TMEM132D: variants seen among roughly 807,000 people sequenced by gnomAD.
The protein encoded by TMEM132D is mature OL transmembrane protein.
A neutral mutation model predicts 62.3 loss-of-function variants in TMEM132D; 21 were observed. The ratio of observed to expected loss-of-function variants is 0.34; its 90% confidence interval spans 0.24 to 0.49. The LOEUF (loss-of-function observed/expected upper bound fraction) is 0.49, where lower values mean the gene tolerates loss of function less well. TMEM132D is among the 20% of genes least tolerant of loss of function. TMEM132D has a pLI of 0.99. For synonymous variants in TMEM132D, 621 were observed against 575.6 expected, an observed-to-expected ratio of 1.08 and a Z score of -1.13; for missense variants, 1,346 against 1,402.8, an observed-to-expected ratio of 0.96 and a Z score of 0.65.
intron 1 of TMEM132D, among the ~76,000 whole-genome samples, chr12:129,835,593 T>C (rs1872981760): frequency 6.6e-6 from 1 of 152,166 alleles, no homozygotes; most frequent in Admixed American, 6.6e-5. Flanking sequence ...ACCGAGCCTG[T>C]GCATGAGGTT....
chr12:129,635,816 T>G (rs1879462399), intron 2 of TMEM132D, among the ~76,000 whole-genome samples: 1 of 152,200 alleles, frequency 6.6e-6, no homozygotes, highest in Non-Finnish European at 1.5e-5. Flanking sequence ...CCTAAGAATG[T>G]GTGCCTAAGG....
chr12:129,728,114 T>C (rs1182643472), intron 1 of TMEM132D, among the ~76,000 whole-genome samples: 1 of 152,224 alleles, frequency 6.6e-6, no homozygotes, highest in African/African-American at 2.4e-5. Context: ...CCATTGACGG[T>C]ACTGGGTTGG....
chr12:129,896,961 T>C (rs1201790265), intron 1 of TMEM132D, among the ~76,000 whole-genome samples: 3 of 152,210 alleles, frequency 2.0e-5, no homozygotes, highest in Non-Finnish European at 4.4e-5. Context: ...TTGTTTACTT[T>C]CAAGGTCAAG....
intron 3 of TMEM132D, among the ~76,000 whole-genome samples, chr12:129,398,300 C>A (rs4505131): frequency 6.6e-6 from 1 of 152,014 alleles, no homozygotes; most frequent in Admixed American, 6.5e-5. Flanking sequence ...GCCTGTTTTC[C>A]TCCCTGTGAA....
At chr12:129,543,308 G>GGATA (rs577178143) in intron 2 of TMEM132D, among the ~76,000 whole-genome samples, 75 of 136,050 alleles carry the variant, frequency 5.5e-4, no homozygotes, top group African/African-American at 2.3e-3. Flanking sequence ...GTGGGTGGAT[G>GGATA]GATAGATGGA....
At chr12:129,088,003 CCTCCATGACCGGGT>C (rs1436320597) in intron 5 of TMEM132D, among the ~76,000 whole-genome samples, 11 of 99,492 alleles carry the variant, frequency 1.1e-4, no homozygotes, top group Middle Eastern at 7.0e-3. Flanking sequence ...ACCGGGGTGT[CCTCCATGACCGGGT>C]GTCCTCCATG....
rs147842626 is a variant in TMEM132D, at chr12:129,250,006, G to A, written c.1300-40343C>T. Among the ~76,000 whole-genome samples, 306 of 152,216 alleles carry A rather than the reference G, an allele frequency of 2.0e-3. 1 individual carries two copies. Among genetic ancestry groups the A allele is most frequent in the African/African-American group, 3.9e-3 (164 of 41,534 alleles). The stretch of plus-strand genomic sequence containing the variant: ...AGAGAGCCTTGTAGAGGAGGTGGGC[G>A]TACCCCGCTGAGACCTCCAATCAGA... On this transcript the variant is annotated intron_variant, in intron 4 of 8. Transcript: ENST00000422113.
intron 5 of TMEM132D, among the ~76,000 whole-genome samples, chr12:129,169,024 C>T (rs953697634): frequency 6.6e-6 from 1 of 152,186 alleles, no homozygotes; most frequent in Non-Finnish European, 1.5e-5. Flanking sequence ...TTCAAATATA[C>T]CTTTGCTGAA....
At chr12:129,310,020 A>C (rs1566029031) in intron 4 of TMEM132D, among the ~76,000 whole-genome samples, 1 of 152,268 alleles carries the variant, frequency 6.6e-6, no homozygotes, top group East Asian at 1.9e-4. Context: ...CCCAAAAAAA[A>C]AGTGCTACAG....
At chr12:129,433,992 G>A (rs1872727273) in intron 3 of TMEM132D, among the ~76,000 whole-genome samples, 1 of 152,212 alleles carries the variant, frequency 6.6e-6, no homozygotes, top group Non-Finnish European at 1.5e-5. Flanking sequence ...TTGAGATTCA[G>A]AGCTTGCAAC....
chr12:129,287,706 G>A (rs1881339482), intron 4 of TMEM132D, among the ~76,000 whole-genome samples: 1 of 148,884 alleles, frequency 6.7e-6, no homozygotes, highest in South Asian at 2.2e-4. Flanking sequence ...GATGCTCCGA[G>A]AACTGCCCAG....
chr12:129,099,877 G>A (rs1458729591), intron 5 of TMEM132D, among the ~76,000 whole-genome samples: 3 of 137,604 alleles, frequency 2.2e-5, no homozygotes, highest in Non-Finnish European at 4.4e-5. Flanking sequence ...CCAGGCTGGA[G>A]TGCAGTGGCA....
intron 5 of TMEM132D, among the ~76,000 whole-genome samples, chr12:129,148,244 G>A (rs971783619): frequency 3.3e-5 from 5 of 152,116 alleles, no homozygotes; most frequent in African/African-American, 1.2e-4. Flanking sequence ...AAAATCTATA[G>A]CCCCATGTGG....
chr12:129,130,743 AC>A (rs1217570059), intron 5 of TMEM132D, among the ~76,000 whole-genome samples: 4 of 152,062 alleles, frequency 2.6e-5, no homozygotes, highest in Admixed American at 6.6e-5. Context: ...AAATGCCATG[AC>A]CTAGAGAAGA....
At chr12:129,549,039 C>A (rs1221751640) in intron 2 of TMEM132D, among the ~76,000 whole-genome samples, 2 of 152,216 alleles carry the variant, frequency 1.3e-5, no homozygotes, top group Non-Finnish European at 2.9e-5. Context: ...CAGTGAAATT[C>A]ACTTCCTGAT....
chr12:129,248,354 A>G (rs1481251624), intron 4 of TMEM132D, among the ~76,000 whole-genome samples: 2 of 152,210 alleles, frequency 1.3e-5, no homozygotes, highest in Non-Finnish European at 2.9e-5. Flanking sequence ...TAGGGATGTC[A>G]TTCTTCCTTG....
intron 1 of TMEM132D, among the ~76,000 whole-genome samples, chr12:129,741,575 G>T (rs1869610363): frequency 6.6e-6 from 1 of 152,196 alleles, no homozygotes; most frequent in Non-Finnish European, 1.5e-5. Context: ...CAACTGTGAA[G>T]AATGTTCTCT....
rs141884601 is a variant in TMEM132D, at chr12:129,366,315, T to C, written c.1116-28498A>G. Among the ~76,000 whole-genome samples, 542 of 152,286 alleles carry C rather than the reference T, an allele frequency of 3.6e-3. 5 individuals carry two copies. Among genetic ancestry groups the C allele is most frequent in the African/African-American group, 0.012 (514 of 41,562 alleles). ...AGGGGTGGATTTCTCATGAATTCTTTAGAACCATCCCCTTGGCACTGTCCT... is the reference window on the plus strand; with the variant it reads ...AGGGGTGGATTTCTCATGAATTCTTCAGAACCATCCCCTTGGCACTGTCCT... On this transcript the variant is annotated intron_variant, in intron 3 of 8. Coordinates refer to ENST00000422113, the MANE Select transcript of TMEM132D (RefSeq NM_133448.3).
Position 129,827,361 on chromosome 12 carries a change from C to T in TMEM132D, c.79+75900G>A, listed in dbSNP as rs750153235. On this transcript the variant is annotated intron_variant, in intron 1 of 8. Transcript: ENST00000422113. This position sits in a 1 kb window ranked among gnomAD's most constrained non-coding sequence, Gnocchi z 9.7. ...TAAGCCCCAAATTCATGGTCACACC[C>T]CCAGGCAGAACTCTGGAGCACTGGC... 3.3e-5 allele frequency among the ~76,000 whole-genome samples: 5 copies of T among 152,104 alleles called. No homozygotes were observed. The highest frequency in any genetic ancestry group is 5.9e-5 in the Non-Finnish European group (4 of 68,018).
Sources: gnomAD v4.1 joint callset for allele counts (sites outside exome capture counted in the v4.1 genomes callset) on GRCh38, gnomAD v4.1.1 for gene constraint, Gnocchi (gnomAD v3.1) non-coding constraint, MANE v1.5 for transcripts, NCBI Gene and HGNC (gene_info 2026-07-23, HGNC 2026-07-21) for gene names.